Variants in TBC1D8 observed in about 807,000 individuals in gnomAD.
TBC1D8 encodes TBC1 domain family member 8.
In TBC1D8, 65 loss-of-function variants were observed where a neutral mutation model predicts 118.8. The ratio of observed to expected loss-of-function variants is 0.55; its 90% CI spans 0.45 to 0.67. The LOEUF (loss-of-function observed/expected upper bound fraction) is 0.67, where lower values mean the gene tolerates loss of function less well. TBC1D8 is among the 30% of genes least tolerant of loss of function. TBC1D8 has a pLI of 0.00. For synonymous variants in TBC1D8, 566 were observed against 595.8 expected (o/e 0.95, Z 0.73); for missense variants, 1,376 against 1,471.2 (o/e 0.94, Z 1.06).
intron 1 of TBC1D8, among the ~76,000 whole-genome samples, chr2:101,100,590 C>T (rs1346326218): frequency 6.6e-6 from 1 of 151,868 alleles, no homozygotes; most frequent in Admixed American, 6.6e-5. Context: ...GCTGAAAATA[C>T]TACTAAAAAT....
chr2:101,093,336 C>G (rs925186965), intron 1 of TBC1D8, among the ~76,000 whole-genome samples: 1 of 152,258 alleles, frequency 6.6e-6, no homozygotes, highest in South Asian at 2.1e-4. Flanking sequence ...CAACTGCATA[C>G]GCATTTACAT....
chr2:101,118,503 T>G (rs7605979), intron 1 of TBC1D8, among the ~76,000 whole-genome samples: 7 of 149,718 alleles, frequency 4.7e-5, no homozygotes, highest in Non-Finnish European at 1.0e-4. Flanking sequence ...GAGACCATCC[T>G]GGCTAACACG....
At chr2:101,024,686 CAT>C (rs1680235057) in intron 15 of TBC1D8, among the ~76,000 whole-genome samples, 1 of 152,106 alleles carries the variant, frequency 6.6e-6, no homozygotes, top group Admixed American at 6.5e-5. Flanking sequence ...GGATTACAGA[CAT>C]AAGCCACCGT....
In TBC1D8 at chr2:101,014,812, AAGAT is replaced by A. The variant is rs545834034; in HGVS notation, c.2828-3276_2828-3273del. ...AAGCCTGACCAAAAAGTGAAGAATCAAGATAGTGGGTATAACTTGAGTGCCAAAC... is the reference window on the plus strand; with the variant it reads ...AAGCCTGACCAAAAAGTGAAGAATCAAGTGGGTATAACTTGAGTGCCAAAC... On this transcript the variant is annotated intron_variant, in intron 17 of 19. Coordinates refer to ENST00000409318, the MANE Select transcript of TBC1D8 (RefSeq NM_001330348.2). 7.2e-5 allele frequency among the ~76,000 whole-genome samples: 11 copies of A among 152,328 alleles called. No individual in the cohort carries two copies. The East Asian group carries it at 2.1e-3, about 29-fold the overall frequency.
At chr2:101,058,091 G>T (rs1682543430) in intron 3 of TBC1D8, among the ~76,000 whole-genome samples, 1 of 152,204 alleles carries the variant, frequency 6.6e-6, no homozygotes, top group African/African-American at 2.4e-5. Flanking sequence ...GGGCCTTTCT[G>T]TAGCTACCCC....
intron 3 of TBC1D8, among the ~76,000 whole-genome samples, chr2:101,055,606 C>T (rs144117676): frequency 2.2e-3 from 341 of 152,212 alleles, no homozygotes; most frequent in African/African-American, 7.9e-3. Flanking sequence ...AACTGAGTAA[C>T]AAGTAGTGTC....
At chr2:101,147,078 C>T (rs1229837222) in intron 1 of TBC1D8, among the ~76,000 whole-genome samples, 5 of 19,592 alleles carry the variant, frequency 2.6e-4, no homozygotes, top group Non-Finnish European at 3.9e-4. Flanking sequence ...TTTGAGAGGC[C>T]GAGGCCGAGG....
chr2:101,069,584 C>T (rs1683199564), intron 2 of TBC1D8, among the ~76,000 whole-genome samples: 1 of 152,044 alleles, frequency 6.6e-6, no homozygotes, highest in Admixed American at 6.6e-5. Flanking sequence ...GAAACTCCAT[C>T]TCAAAAACAA....
At chr2:101,120,917 G>A (rs2033956) in intron 1 of TBC1D8, among the ~76,000 whole-genome samples, 22,238 of 152,104 alleles carry the variant, frequency 0.15, 1,992 homozygotes, top group East Asian at 0.27. Context: ...CCTGAAAGCT[G>A]AGAGCTGATC....
intron 1 of TBC1D8, among the ~76,000 whole-genome samples, chr2:101,116,775 G>A (rs1233534485): frequency 6.6e-6 from 1 of 151,930 alleles, no homozygotes; most frequent in African/African-American, 2.4e-5. Flanking sequence ...CCCAGGGGCT[G>A]AGATTACAGG....
At chr2:101,043,227 G>A (rs191734327) in intron 5 of TBC1D8, among the ~76,000 whole-genome samples, 294 of 152,330 alleles carry the variant, frequency 1.9e-3, no homozygotes, top group African/African-American at 6.8e-3. Context: ...CCTCCAGAGA[G>A]GAGCTGGGAG....
chr2:101,096,796 G>GGAGGGGGA lies in TBC1D8; in HGVS notation c.128-6433_128-6432insTCCCCCTC, dbSNP rs1553418150. Reference sequence around the variant, plus strand: ...CTGAAAAGCAAAGTGAGAGAGAGGGGGAGAGAGAGAGAGAGAGAGAGAGAC... The same window carrying GGAGGGGGA: ...CTGAAAAGCAAAGTGAGAGAGAGGGGGAGGGGGAGAGAGAGAGAGAGAGAGAGAGAGAC... On this transcript the variant is annotated intron_variant, in intron 1 of 19. Transcript: ENST00000409318. Among the ~76,000 whole-genome samples the GGAGGGGGA allele has an allele frequency of 1.4e-5, 2 of 146,502 alleles. 1 individual carries two copies. The highest frequency in any genetic ancestry group is 3.0e-5 in the Non-Finnish European group (2 of 66,980).
At chr2:101,111,970 A>G (rs812717) in intron 1 of TBC1D8, among the ~76,000 whole-genome samples, 134,856 of 151,718 alleles carry the variant, frequency 0.89, 60,166 homozygotes, top group African/African-American at 0.95. Flanking sequence ...TCTGCAGTTG[A>G]GCTCCTAATG....
intron 2 of TBC1D8, among the ~76,000 whole-genome samples, chr2:101,074,016 C>CT (rs1674646513): frequency 6.6e-6 from 1 of 152,256 alleles, no homozygotes; most frequent in African/African-American, 2.4e-5. Context: ...GCATTCACAA[C>CT]TTTAACTGTT....
intron 19 of TBC1D8, 138 bp downstream of exon 19, chr2:101,010,791 A>C (rs1264472939): frequency 7.8e-6 from 5 of 643,546 alleles, no homozygotes; most frequent in Non-Finnish European, 1.3e-5. Context: ...CTGAGGCAGG[A>C]GAACTGCTTG....
chr2:101,040,641 T>C (rs1573920426), intron 5 of TBC1D8, among the ~76,000 whole-genome samples: 1 of 151,986 alleles, frequency 6.6e-6, no homozygotes, highest in Admixed American at 6.5e-5. Context: ...GGCTAATTTT[T>C]GTATTTATAG....
At chr2:101,073,301 T>TTTTTTTTTA (rs1674590072) in intron 2 of TBC1D8, among the ~76,000 whole-genome samples, 2 of 107,812 alleles carry the variant, frequency 1.9e-5, no homozygotes, top group African/African-American at 8.2e-5. Context: ...ATTTTATTTA[T>TTTTTTTTTA]TTTTTTTTTT....
At chr2:101,035,911 A>G in intron 9 of TBC1D8, 107 bp downstream of exon 9, 1 of 1,295,898 alleles carries the variant, frequency 7.7e-7, no homozygotes, top group Non-Finnish European at 1.1e-6. Context: ...TGACTCAAAG[A>G]CAGAACCATT....
At chr2:101,134,831 G>A (rs1678771086) in intron 1 of TBC1D8, among the ~76,000 whole-genome samples, 1 of 152,208 alleles carries the variant, frequency 6.6e-6, no homozygotes, top group Admixed American at 6.5e-5. Context: ...AATACAGAAT[G>A]TTGAAATCTG....
Sources: gnomAD v4.1 joint callset for allele counts (sites outside exome capture counted in the v4.1 genomes callset) on GRCh38, gnomAD v4.1.1 for gene constraint, MANE v1.5 for transcripts, NCBI Gene and HGNC (gene_info 2026-07-23, HGNC 2026-07-21) for gene names.